The following DOK6 variants were observed in gnomAD, a reference collection of about 807,000 sequenced individuals.
DOK6 encodes downstream of tyrosine kinase 6.
A neutral mutation model predicts 44.0 loss-of-function variants in DOK6; 22 were observed. The observed-to-expected ratio is 0.50, with a 90% confidence interval of 0.36 to 0.71. DOK6 has a LOEUF of 0.71. DOK6 is among the 30% of genes least tolerant of loss of function. The pLI is 0.00. For synonymous variants in DOK6, 166 were observed against 145.5 expected (o/e 1.14, Z -1.01); for missense variants, 340 against 416.4 (o/e 0.82, Z 1.60).
intron 1 of DOK6, among the ~76,000 whole-genome samples, chr18:69,507,636 A>G (rs898910455): frequency 6.6e-6 from 1 of 152,126 alleles, no homozygotes; most frequent in Non-Finnish European, 1.5e-5. Context: ...TAAGTAGTTC[A>G]TCTTTCATGG....
At chr18:69,448,256 A>G (rs1979353526) in intron 1 of DOK6, among the ~76,000 whole-genome samples, 1 of 152,062 alleles carries the variant, frequency 6.6e-6, no homozygotes, top group Admixed American at 6.5e-5. Context: ...GAAAAAGTTG[A>G]CTCTGAGACT....
At chr18:69,440,044 T>G (rs1979093738) in intron 1 of DOK6, among the ~76,000 whole-genome samples, 1 of 152,204 alleles carries the variant, frequency 6.6e-6, no homozygotes. Flanking sequence ...TTGTTTCACT[T>G]GAACACTTAG....
chr18:69,425,312 C>T (rs1435799222), intron 1 of DOK6, among the ~76,000 whole-genome samples: 1 of 151,930 alleles, frequency 6.6e-6, no homozygotes. Context: ...TGTCACAGTG[C>T]TACCTGCTAC....
intron 1 of DOK6, among the ~76,000 whole-genome samples, chr18:69,437,103 G>T (rs1341701924): frequency 2.0e-5 from 3 of 152,078 alleles, no homozygotes; most frequent in Admixed American, 2.0e-4. Flanking sequence ...CCATTCTGTA[G>T]GTTGCCTGTT....
chr18:69,718,833 A>G (rs1009882015), intron 5 of DOK6, among the ~76,000 whole-genome samples: 2 of 152,152 alleles, frequency 1.3e-5, no homozygotes, highest in South Asian at 2.1e-4. Flanking sequence ...CTGGATAAAT[A>G]CTGGAAAAGA....
At chr18:69,522,906 G>A (rs964680574) in intron 1 of DOK6, among the ~76,000 whole-genome samples, 10 of 152,056 alleles carry the variant, frequency 6.6e-5, no homozygotes, top group African/African-American at 1.9e-4. Flanking sequence ...ACGAGGGTAG[G>A]TTCTAGAGAT....
chr18:69,750,003 T>C (rs2144747620), intron 6 of DOK6, among the ~76,000 whole-genome samples: 1 of 148,602 alleles, frequency 6.7e-6, no homozygotes, highest in South Asian at 2.1e-4. Flanking sequence ...TATAAAAGTG[T>C]AGAATACTTG....
chr18:69,497,451 G>A (rs948615185), intron 1 of DOK6, among the ~76,000 whole-genome samples: 1 of 152,052 alleles, frequency 6.6e-6, no homozygotes, highest in Admixed American at 6.6e-5. Context: ...AGGGAGAATC[G>A]TTCATGTGGC....
intron 3 of DOK6, among the ~76,000 whole-genome samples, chr18:69,609,313 A>G (rs1448685090): frequency 6.6e-6 from 1 of 152,172 alleles, no homozygotes; most frequent in Non-Finnish European, 1.5e-5. Context: ...TAGCAAATAC[A>G]TAAATTATCC....
chr18:69,738,793 AC>A (rs1160512775), intron 5 of DOK6, among the ~76,000 whole-genome samples, 171 bp from the exon 6 acceptor site: 1 of 152,070 alleles, frequency 6.6e-6, no homozygotes, highest in African/African-American at 2.4e-5. Flanking sequence ...ATTTTCATGT[AC>A]CATATAAAGA....
At chr18:69,612,451 G>C (rs1984175086) in intron 3 of DOK6, among the ~76,000 whole-genome samples, 1 of 147,140 alleles carries the variant, frequency 6.8e-6, no homozygotes, top group African/African-American at 2.5e-5. Context: ...GGGCGCATGT[G>C]TGCGAGCGTG....
chr18:69,415,035 A>G (rs1021814286), intron 1 of DOK6, among the ~76,000 whole-genome samples: 21 of 152,222 alleles, frequency 1.4e-4, no homozygotes, highest in African/African-American at 4.6e-4. Context: ...CTTAATTATG[A>G]ATTGGGTAGA....
chr18:69,762,145 G>GCATACATACATA lies in DOK6; in HGVS notation c.856+4275_856+4276insACATACATACAT, dbSNP rs1491187104. Among the ~76,000 whole-genome samples, 353 of 109,056 alleles carry GCATACATACATA rather than the reference G, an allele frequency of 3.2e-3. 4 individuals are homozygous for GCATACATACATA. Among genetic ancestry groups the GCATACATACATA allele is most frequent in the Non-Finnish European group, 3.7e-3 (182 of 48,590 alleles). 71.5% of individuals were successfully genotyped at this position (109,056 alleles called of 152,430 possible). Reference sequence around the variant, plus strand: ...GGCAATATAGTGAGACTCCATCTCTGCATGCATACATACATACATACATAC... The same window carrying GCATACATACATA: ...GGCAATATAGTGAGACTCCATCTCTGCATACATACATACATGCATACATACATACATACATAC... On this transcript the variant is annotated intron_variant, in intron 7 of 7. Transcript: ENST00000382713.
chr18:69,757,645 A>T (rs1193759603), intron 6 of DOK6, 111 bp from the exon 7 acceptor site: 2 of 823,418 alleles, frequency 2.4e-6, no homozygotes, highest in Non-Finnish European at 4.1e-6. Context: ...TCATGCAGGT[A>T]TCTATAGCAG....
chr18:69,733,637 T>C (rs1978493736), intron 5 of DOK6, among the ~76,000 whole-genome samples: 1 of 152,212 alleles, frequency 6.6e-6, no homozygotes, highest in South Asian at 2.1e-4. Flanking sequence ...ATTCCTCCTA[T>C]TTAACTGAAA....
At chr18:69,687,677 C>T (rs1487231441) in intron 4 of DOK6, among the ~76,000 whole-genome samples, 1 of 152,098 alleles carries the variant, frequency 6.6e-6, no homozygotes, top group East Asian at 1.9e-4. Context: ...TAGATTCTTT[C>T]TCAAACACAC....
intron 6 of DOK6, 63 bp from the exon 7 acceptor site, chr18:69,757,693 G>C (rs1599308854): frequency 7.4e-7 from 1 of 1,348,316 alleles, no homozygotes; most frequent in Non-Finnish European, 1.1e-6. Flanking sequence ...TGAATATTTA[G>C]AAGAGCAGAT....
intron 1 of DOK6, among the ~76,000 whole-genome samples, chr18:69,541,120 C>CTTAGGTATATCTAAA (rs1263192073): frequency 6.6e-6 from 1 of 151,816 alleles, no homozygotes; most frequent in Non-Finnish European, 1.5e-5. Context: ...CTTTGTTTCC[C>CTTAGGTATATCTAAA]CAAACTGTTT....
chr18:69,464,189 A>G (rs1014064697), intron 1 of DOK6, among the ~76,000 whole-genome samples: 1 of 152,158 alleles, frequency 6.6e-6, no homozygotes. Context: ...ATAATGATAG[A>G]CTCACTTCTA....
Sources: gnomAD v4.1 joint callset for allele counts (sites outside exome capture counted in the v4.1 genomes callset) on GRCh38, gnomAD v4.1.1 for gene constraint, MANE v1.5 for transcripts, NCBI Gene and HGNC (gene_info 2026-07-23, HGNC 2026-07-21) for gene names.